SEPTIN10: variants seen among roughly 807,000 people sequenced by gnomAD.
The protein encoded by SEPTIN10 is septin-10.
A neutral mutation model predicts 54.8 loss-of-function variants in SEPTIN10; 66 were observed. That is an observed-to-expected ratio of 1.21 (90% confidence interval 0.99 to 1.48). The LOEUF is 1.48. Ranked by LOEUF, SEPTIN10 falls within the 40% of genes most tolerant of loss-of-function variation. The pLI is 0.00. For missense variants in SEPTIN10, 620 were observed against 545.6 expected, an observed-to-expected ratio of 1.14 and a Z score of -1.36; for synonymous variants, 161 against 181.0, an observed-to-expected ratio of 0.89 and a Z score of 0.89.
chr2:109,551,964 T>G (rs1002814833), intron 9 of SEPTIN10, among the ~76,000 whole-genome samples: 1 of 152,200 alleles, frequency 6.6e-6, no homozygotes, highest in Non-Finnish European at 1.5e-5. Context: ...CGCGGACCAG[T>G]ACTGGTCCAT....
rs1205783685 is a variant in SEPTIN10, at chr2:109,574,672, G to A, written c.509C>T (p.Ser170Phe). The A allele has an allele frequency of 1.2e-6, 2 of 1,610,128 alleles. No individual in the cohort carries two copies. The highest frequency in any genetic ancestry group is 3.4e-5 in the Admixed American group (2 of 59,396). ...IKRSLFTYHDSRIHVCLYFIS... is the reference protein window; with the variant it reads ...IKRSLFTYHDFRIHVCLYFIS... ...GAAGTAGAGACACACATGGATGCGA[G>A]AATCATGGTAGGTAAAGAGAGAACG... The change falls in exon 5 of 11, where the codon TCT becomes TTT. Residue 170 changes from serine to phenylalanine, a missense_variant. By Grantham distance (155) the Ser-to-Phe change is radical. Transcript: ENST00000397712.
intron 1 of SEPTIN10, among the ~76,000 whole-genome samples, chr2:109,612,434 T>G (rs549752138): frequency 1.3e-5 from 2 of 152,330 alleles, no homozygotes; most frequent in African/African-American, 4.8e-5. Context: ...TACTATGGGT[T>G]TGCCAGATCT....
intron 9 of SEPTIN10, among the ~76,000 whole-genome samples, chr2:109,547,369 GTTTTTT>G (rs35573327): frequency 1.7e-5 from 2 of 117,874 alleles, no homozygotes; most frequent in African/African-American, 3.2e-5. Flanking sequence ...TAATAAACTT[GTTTTTT>G]TTTTTTTTTT....
intron 1 of SEPTIN10, among the ~76,000 whole-genome samples, chr2:109,599,774 C>T (rs919941): frequency 0.46 from 69,157 of 151,956 alleles, 16,160 homozygotes; most frequent in African/African-American, 0.55. Context: ...AAGCTTGCAC[C>T]ATAACAATGA....
Position 109,613,909 on chromosome 2 carries a change from G to C in SEPTIN10, c.-82C>G. On this transcript the variant is annotated 5_prime_UTR_variant, in exon 1 of 11. Coordinates refer to ENST00000397712, the MANE Select transcript of SEPTIN10 (RefSeq NM_144710.5). The stretch of plus-strand genomic sequence containing the variant: ...TCCCGGCGACGGCGGCGGGAAGGCC[G>C]GAGGGCAGAAGCAACGGGCGGGGCG... 1.1e-5 allele frequency: 13 copies of C among 1,227,878 alleles called. No homozygotes were observed. Among genetic ancestry groups the C allele is most frequent in the Non-Finnish European group, 1.3e-5 (13 of 985,580 alleles). 76.1% of individuals were successfully genotyped at this position (1,227,878 alleles called of 1,614,324 possible).
At chr2:109,584,474 CA>C (rs71958517) in intron 4 of SEPTIN10, among the ~76,000 whole-genome samples, 3,443 of 71,890 alleles carry the variant, frequency 0.048, 17 homozygotes, top group Middle Eastern at 0.094. Context: ...GACTCTGTCT[CA>C]AAAAAAAAAA....
intron 6 of SEPTIN10, among the ~76,000 whole-genome samples, chr2:109,566,367 T>TGA (rs1687030527): frequency 1.3e-5 from 2 of 151,996 alleles, no homozygotes; most frequent in Non-Finnish European, 2.9e-5. Context: ...GTGATCCACC[T>TGA]GTCTTGGGAT....
intron 8 of SEPTIN10, among the ~76,000 whole-genome samples, chr2:109,560,664 C>T (rs767669365): frequency 1.3e-5 from 2 of 152,182 alleles, no homozygotes; most frequent in Non-Finnish European, 2.9e-5. Context: ...AACTCAAAGT[C>T]AACAGGTCCC....
chr2:109,613,135 T>C (rs1699637130), intron 1 of SEPTIN10: 8 of 1,280,546 alleles, frequency 6.2e-6, no homozygotes, highest in Non-Finnish European at 8.2e-6. Context: ...GAAAACTCGA[T>C]GTACACGACC....
intron 4 of SEPTIN10, among the ~76,000 whole-genome samples, chr2:109,584,570 T>C (rs1692030694): frequency 6.6e-6 from 1 of 152,098 alleles, no homozygotes. Context: ...CTTTCATAGT[T>C]TAAATTTGAT....
At chr2:109,567,202 T>G (rs1022498160) in intron 6 of SEPTIN10, among the ~76,000 whole-genome samples, 1 of 152,176 alleles carries the variant, frequency 6.6e-6, no homozygotes, top group Admixed American at 6.6e-5. Context: ...TTTGTAGATA[T>G]GTTAAGTCTC....
At chr2:109,567,742 C>T in intron 6 of SEPTIN10, 73 bp downstream of exon 6, 1 of 1,378,766 alleles carries the variant, frequency 7.3e-7, no homozygotes, top group Middle Eastern at 2.7e-4. Flanking sequence ...AGTGTATTAG[C>T]AGCAATATTA....
At chr2:109,548,241 T>C (rs1210409402) in intron 9 of SEPTIN10, among the ~76,000 whole-genome samples, 1 of 152,076 alleles carries the variant, frequency 6.6e-6, no homozygotes, top group Non-Finnish European at 1.5e-5. Context: ...CTGTGCCCTC[T>C]AACAACACAA....
In SEPTIN10 at chr2:109,585,721, CCA is replaced by C. The variant is rs775207403; in HGVS notation, c.215_216del (p.Val72GlyfsTer12). 19 of 1,604,694 alleles carry C rather than the reference CCA, an allele frequency of 1.2e-5. No homozygotes were observed. Among genetic ancestry groups the C allele is most frequent in the Non-Finnish European group, 1.5e-5 (18 of 1,172,740 alleles). On this transcript the variant is annotated frameshift_variant and splice_region_variant, in exon 3 of 11. Transcript: ENST00000397712. LOFTEE classifies it high-confidence loss of function. ...QQGFCFNILC[V>X]GETGIGKSTL... ...TAGAGGAAGAGTAGGTGGCACGTAC[CCA>C]CACAGAGAATATTAAAGCAGAAACC...
At chr2:109,602,154 T>C (rs749110356) in intron 1 of SEPTIN10, among the ~76,000 whole-genome samples, 1 of 152,180 alleles carries the variant, frequency 6.6e-6, no homozygotes, top group African/African-American at 2.4e-5. Context: ...CCGTACTAAG[T>C]GGGTAACAAA....
intron 6 of SEPTIN10, 104 bp from the exon 7 acceptor site, chr2:109,565,963 T>C: frequency 2.8e-6 from 3 of 1,064,368 alleles, no homozygotes; most frequent in South Asian, 2.6e-5. Flanking sequence ...AACAAACCTA[T>C]TAAAATCGAA....
intron 9 of SEPTIN10, among the ~76,000 whole-genome samples, chr2:109,551,328 AAAT>A (rs1450079891): frequency 6.6e-6 from 1 of 152,272 alleles, no homozygotes; most frequent in Non-Finnish European, 1.5e-5. Context: ...ATATAGAATT[AAAT>A]AATGTTTTGA....
At chr2:109,592,010 C>T (rs1198683190) in intron 2 of SEPTIN10, among the ~76,000 whole-genome samples, 1 of 152,148 alleles carries the variant, frequency 6.6e-6, no homozygotes, top group Non-Finnish European at 1.5e-5. Context: ...TTTTTAAATA[C>T]AAATTTCAAT....
At position 109,542,976 on chromosome 2, in the gene SEPTIN10, A is replaced by C. The variant is rs1680348509; in HGVS notation, c.*1333T>G. 1 of 152,676 alleles carries C rather than the reference A, an allele frequency of 6.5e-6. No individual in the cohort carries two copies. Among genetic ancestry groups the C allele is most frequent in the African/African-American group, 2.4e-5 (1 of 41,476 alleles). The allele number at this position is 152,676 out of a possible 1,614,324, so 9.5% of individuals were successfully genotyped here. On this transcript the variant is annotated 3_prime_UTR_variant, in exon 11 of 11. Coordinates refer to ENST00000397712, the MANE Select transcript of SEPTIN10 (RefSeq NM_144710.5). Reference sequence around the variant, plus strand: ...TGAGAGTTTTCAGAAAGGAAAATTAAACACATTTTAGTAAATATATGTTTT... The same window carrying C: ...TGAGAGTTTTCAGAAAGGAAAATTACACACATTTTAGTAAATATATGTTTT...
Sources: allele counts gnomAD v4.1 joint callset (sites outside exome capture counted in the v4.1 genomes callset), GRCh38; gene constraint gnomAD v4.1.1; transcripts MANE v1.5; gene names NCBI Gene and HGNC (gene_info 2026-07-23, HGNC 2026-07-21).